The following ANKFN1 variants were observed in gnomAD, a reference collection of about 807,000 sequenced individuals.
ANKFN1 encodes ankyrin repeat and fibronectin type-III domain-containing protein 1.
ANKFN1 carries 74 observed loss-of-function variants against 108.7 expected under a neutral mutation model. The observed-to-expected ratio is 0.68, with a 90% CI of 0.56 to 0.83. The LOEUF is 0.83. Ranked by LOEUF, ANKFN1 falls within the 40% of genes least tolerant of loss-of-function variation. The pLI, the probability that ANKFN1 is intolerant of heterozygous loss-of-function variation, is 0.00. For missense variants in ANKFN1, 1,505 were observed against 1,382.3 expected, an observed-to-expected ratio of 1.09 and a Z score of -1.41; for synonymous variants, 547 against 516.2, an observed-to-expected ratio of 1.06 and a Z score of -0.81.
intron 1 of ANKFN1, among the ~76,000 whole-genome samples, chr17:56,169,392 T>C (rs9911303): frequency 0.17 from 26,196 of 152,030 alleles, 2,568 homozygotes; most frequent in East Asian, 0.3. Context: ...CTACCTCAGC[T>C]TCCCAAGTAG....
At chr17:56,309,091 T>G (rs1185905522) in intron 3 of ANKFN1, among the ~76,000 whole-genome samples, 1 of 152,212 alleles carries the variant, frequency 6.6e-6, no homozygotes, top group African/African-American at 2.4e-5. Flanking sequence ...TATTATGTGT[T>G]CCCTCCTCTT....
intron 8 of ANKFN1, among the ~76,000 whole-genome samples, chr17:56,433,110 A>G (rs762287399): frequency 9.9e-5 from 15 of 152,200 alleles, no homozygotes; most frequent in Non-Finnish European, 8.8e-5. Flanking sequence ...CACACAATTC[A>G]CAAATAATAA....
chr17:56,349,490 A>G (rs1383412999), intron 4 of ANKFN1, among the ~76,000 whole-genome samples: 1 of 152,140 alleles, frequency 6.6e-6, no homozygotes, highest in Admixed American at 6.6e-5. Context: ...GCTAGCAGAC[A>G]TGGAACCCAG....
chr17:56,476,436 G>C (rs1040864969), intron 15 of ANKFN1, among the ~76,000 whole-genome samples: 2 of 152,142 alleles, frequency 1.3e-5, no homozygotes, highest in African/African-American at 4.8e-5. Context: ...TACTTAACTT[G>C]GTTGACACTT....
intron 8 of ANKFN1, among the ~76,000 whole-genome samples, chr17:56,380,696 C>G (rs1170196481): frequency 6.6e-6 from 1 of 152,248 alleles, no homozygotes; most frequent in African/African-American, 2.4e-5. Flanking sequence ...GCACAGCAGT[C>G]TGAGATCAAA....
intron 14 of ANKFN1, among the ~76,000 whole-genome samples, chr17:56,462,826 A>G (rs2049953212): frequency 6.6e-6 from 1 of 152,148 alleles, no homozygotes; most frequent in Non-Finnish European, 1.5e-5. Flanking sequence ...TCCACTTTCC[A>G]TACTTTGGCC....
At chr17:56,139,336 A>C (rs1285009625) in intron 4 of ANKFN1, among the ~76,000 whole-genome samples, 1 of 152,190 alleles carries the variant, frequency 6.6e-6, no homozygotes, top group Non-Finnish European at 1.5e-5. Flanking sequence ...TCCCAAACAT[A>C]GCACTTATTA....
intron 3 of ANKFN1, among the ~76,000 whole-genome samples, chr17:56,321,076 A>G (rs1301141691): frequency 1.3e-5 from 2 of 152,110 alleles, no homozygotes; most frequent in Non-Finnish European, 1.5e-5. Flanking sequence ...AAAAAAAAAA[A>G]AAAAAGTCTG....
intron 6 of ANKFN1, among the ~76,000 whole-genome samples, chr17:56,369,703 CA>C (rs1030211733): frequency 1.3e-5 from 2 of 151,470 alleles, no homozygotes; most frequent in African/African-American, 2.4e-5. Flanking sequence ...GTTTAGTAGA[CA>C]AAAAAAATCT....
At chr17:56,047,133 C>T (rs562318981) in intron 4 of ANKFN1, among the ~76,000 whole-genome samples, 2 of 152,152 alleles carry the variant, frequency 1.3e-5, no homozygotes, top group African/African-American at 4.8e-5. Flanking sequence ...TGCTGTATAC[C>T]TTTGGGTAAT....
chr17:56,369,056 C>CTT (rs2144753630), intron 6 of ANKFN1, among the ~76,000 whole-genome samples: 1 of 152,348 alleles, frequency 6.6e-6, no homozygotes, highest in Admixed American at 6.5e-5. Context: ...AAAGGAAATA[C>CTT]ATTTATTCTA....
intron 1 of ANKFN1, among the ~76,000 whole-genome samples, chr17:56,174,981 G>C (rs1216899573): frequency 2.0e-5 from 3 of 151,894 alleles, no homozygotes; most frequent in Non-Finnish European, 4.4e-5. Context: ...ATCTCTCTCT[G>C]TGCCATAATT....
intron 4 of ANKFN1, among the ~76,000 whole-genome samples, chr17:56,347,640 C>G (rs1054408553): frequency 2.0e-5 from 3 of 151,914 alleles, no homozygotes; most frequent in Non-Finnish European, 4.4e-5. Context: ...TCTTTCTTAC[C>G]ATCTTATCTG....
At chr17:56,069,256 C>G (rs115795238) in intron 4 of ANKFN1, among the ~76,000 whole-genome samples, 1 of 151,950 alleles carries the variant, frequency 6.6e-6, no homozygotes, top group East Asian at 1.9e-4. Flanking sequence ...TCATATAAAC[C>G]TATGTGGCAA....
chr17:56,206,126 T>TA (rs1914511858), intron 1 of ANKFN1, among the ~76,000 whole-genome samples: 1 of 152,226 alleles, frequency 6.6e-6, no homozygotes, highest in South Asian at 2.1e-4. Context: ...AAATTCATGA[T>TA]AAAAAATTTT....
intron 3 of ANKFN1, among the ~76,000 whole-genome samples, chr17:56,314,042 G>A (rs1016223524): frequency 7.9e-5 from 12 of 152,130 alleles, no homozygotes; most frequent in Admixed American, 7.2e-4. Flanking sequence ...GTATTCTATT[G>A]TGTCTAGCTT....
In ANKFN1 at chr17:56,516,385, A is replaced by G. The variant is rs912887509; in HGVS notation, c.*5116A>G. Among the ~76,000 whole-genome samples the G allele has an allele frequency of 2.6e-5, 4 of 152,140 alleles. No homozygotes were observed. Among genetic ancestry groups the G allele is most frequent in the African/African-American group, 7.2e-5 (3 of 41,410 alleles). On this transcript the variant is annotated 3_prime_UTR_variant, in exon 21 of 21. Transcript: ENST00000682825. ...CTTCCTTCCTAATGTGTACATAGCA[A>G]TCTGGCTGATTATTGGTTGTTACTT...
intron 8 of ANKFN1, among the ~76,000 whole-genome samples, chr17:56,393,863 G>A (rs1337733894): frequency 6.6e-6 from 1 of 152,178 alleles, no homozygotes; most frequent in East Asian, 1.9e-4. Context: ...CACAGTTGCT[G>A]CCGTAATAGT....
At chr17:56,214,716 T>A (rs1915296230) in intron 2 of ANKFN1, among the ~76,000 whole-genome samples, 1 of 152,132 alleles carries the variant, frequency 6.6e-6, no homozygotes, top group African/African-American at 2.4e-5. Context: ...CCATCACTAA[T>A]CCCAAAGGCT....
Sources: allele counts gnomAD v4.1 joint callset (sites outside exome capture counted in the v4.1 genomes callset), GRCh38; gene constraint gnomAD v4.1.1; transcripts MANE v1.5; gene names NCBI Gene and HGNC (gene_info 2026-07-23, HGNC 2026-07-21).